Variants in DIS3L2 observed in about 807,000 individuals in gnomAD.
DIS3L2 encodes DIS3 like 3'-5' exoribonuclease 2, also known as DIS3-like exonuclease 2.
A neutral mutation model predicts 97.5 loss-of-function variants in DIS3L2; 34 were observed. That is an observed-to-expected ratio of 0.35 (90% CI 0.27 to 0.46). The LOEUF is 0.46. Among genes scored for constraint, DIS3L2 ranks in the 20% least tolerant of loss-of-function variants. The pLI, the probability that DIS3L2 is intolerant of heterozygous loss-of-function variation, is 1.00. For synonymous variants in DIS3L2, 435 were observed against 445.2 expected (o/e 0.98, Z 0.29); for missense variants, 1,038 against 1,146.0 (o/e 0.91, Z 1.36).
At position 232,015,599 on chromosome 2, in the gene DIS3L2, A is replaced by G. The variant is rs1694331896; in HGVS notation, c.138A>G (p.Lys46=). 1 of 1,614,130 alleles carries G rather than the reference A, an allele frequency of 6.2e-7. No homozygotes were observed. The highest frequency in any genetic ancestry group is 1.1e-5 in the South Asian group (1 of 91,082). The change falls in exon 3 of 21, where the codon AAA becomes AAG. Residue 46 remains lysine (K), a synonymous_variant. Transcript: ENST00000325385. ...KSKNRSTRGK[K]KSIFETYMSK... is the part of the protein sequence containing the mutation. ...AGAACAGGTCCACACGAGGGAAGAA[A>G]AAGAGCATATTTGAAACTTACATGT...
chr2:232,249,367 T>C lies in DIS3L2; in HGVS notation c.1425+21T>C, dbSNP rs1693358195. 3.7e-6 allele frequency: 6 copies of C among 1,609,656 alleles called. No homozygotes were observed. The Admixed American group carries it at 6.7e-5, about 18-fold the overall frequency. ...GCAAGGTAACAACTTACACGTTTTCTTTCTCCACTTACCTCTTTTCTGTTC... is the reference window on the plus strand; with the variant it reads ...GCAAGGTAACAACTTACACGTTTTCCTTCTCCACTTACCTCTTTTCTGTTC... On this transcript the variant is annotated intron_variant, in intron 12 of 20. Transcript: ENST00000325385.
chr2:232,096,528 A>G (rs946668908), intron 6 of DIS3L2, among the ~76,000 whole-genome samples: 4 of 151,478 alleles, frequency 2.6e-5, no homozygotes, highest in African/African-American at 9.7e-5. Context: ...GTCTTTCTCT[A>G]CCTCCTCTTT....
chr2:232,272,823 G>C (rs371077179), intron 13 of DIS3L2, among the ~76,000 whole-genome samples: 2 of 152,220 alleles, frequency 1.3e-5, no homozygotes, highest in East Asian at 3.8e-4. Context: ...TGCCCTTCCA[G>C]TGCAGGGTCT....
At chr2:232,069,804 T>C (rs1433196657) in intron 5 of DIS3L2, among the ~76,000 whole-genome samples, 1 of 152,176 alleles carries the variant, frequency 6.6e-6, no homozygotes, top group Non-Finnish European at 1.5e-5. Flanking sequence ...TGAGGAAGGC[T>C]GAGTTGAGAC....
At chr2:232,193,451 C>T (rs1691669091) in intron 9 of DIS3L2, among the ~76,000 whole-genome samples, 1 of 152,214 alleles carries the variant, frequency 6.6e-6, no homozygotes, top group South Asian at 2.1e-4. Context: ...AGGTATAGTG[C>T]TTAGCACAGG....
intron 14 of DIS3L2, among the ~76,000 whole-genome samples, chr2:232,318,128 A>ACAGAGGC (rs142504543): frequency 0.067 from 10,155 of 152,230 alleles, 1,116 homozygotes; most frequent in African/African-American, 0.23. Context: ...CCAGGCCTCC[A>ACAGAGGC]CAGAGGCCAG....
At chr2:232,115,807 A>G (rs748683388) in intron 6 of DIS3L2, among the ~76,000 whole-genome samples, 1 of 152,206 alleles carries the variant, frequency 6.6e-6, no homozygotes, top group Non-Finnish European at 1.5e-5. Context: ...ACTGTGAGTC[A>G]ATTAAACCTC....
At chr2:232,280,117 A>G (rs1183825252) in intron 13 of DIS3L2, among the ~76,000 whole-genome samples, 1 of 152,150 alleles carries the variant, frequency 6.6e-6, no homozygotes, top group Non-Finnish European at 1.5e-5. Flanking sequence ...TAATTTTAGG[A>G]TTTACATTTT....
chr2:232,054,094 C>A (rs1207494947), intron 5 of DIS3L2, among the ~76,000 whole-genome samples: 1 of 152,152 alleles, frequency 6.6e-6, no homozygotes, highest in African/African-American at 2.4e-5. Context: ...AAGAAAATTC[C>A]TGGGGTTTTT....
intron 5 of DIS3L2, among the ~76,000 whole-genome samples, chr2:232,055,664 TAACC>T (rs1202077088): frequency 6.6e-6 from 1 of 152,168 alleles, no homozygotes; most frequent in Non-Finnish European, 1.5e-5. Context: ...AGGACCAAAA[TAACC>T]AAGACAATTT....
chr2:232,069,997 A>C (rs565256834), intron 5 of DIS3L2, among the ~76,000 whole-genome samples: 1 of 152,254 alleles, frequency 6.6e-6, no homozygotes. Flanking sequence ...CAGTACTAAT[A>C]CATTGACTAT....
rs1372762248 is a variant in DIS3L2 at position 232,073,450 on chromosome 2, C to T, written c.367-14037C>T. Among the ~76,000 whole-genome samples the T allele has an allele frequency of 2.6e-5, 4 of 152,260 alleles. No individual in the cohort carries two copies. The South Asian group carries it at 6.2e-4, about 24-fold the overall frequency. The stretch of plus-strand genomic sequence containing the variant: ...ATATGTGAATCTTTTGGAAAAACTC[C>T]ATAATACCAAGTTGATAGCAACCCC... On this transcript the variant is annotated intron_variant, in intron 5 of 20. Transcript: ENST00000325385.
At chr2:232,108,463 C>T (rs939712373) in intron 6 of DIS3L2, among the ~76,000 whole-genome samples, 5 of 152,170 alleles carry the variant, frequency 3.3e-5, no homozygotes, top group African/African-American at 7.2e-5. Flanking sequence ...TGAAAACCCT[C>T]GTAAGACAAG....
intron 6 of DIS3L2, among the ~76,000 whole-genome samples, chr2:232,112,362 C>T (rs2106333425): frequency 6.6e-6 from 1 of 152,286 alleles, no homozygotes; most frequent in African/African-American, 2.4e-5. Context: ...TGGGTTTATA[C>T]ACACACCAGG....
chr2:232,139,609 C>T (rs1034265844), intron 8 of DIS3L2, among the ~76,000 whole-genome samples: 1 of 152,102 alleles, frequency 6.6e-6, no homozygotes, highest in Non-Finnish European at 1.5e-5. Flanking sequence ...TGAGTTCTAC[C>T]TACAGTACAA....
intron 1 of DIS3L2, among the ~76,000 whole-genome samples, chr2:231,982,821 A>G (rs1559513491): frequency 6.6e-6 from 1 of 152,004 alleles, no homozygotes; most frequent in Non-Finnish European, 1.5e-5. Flanking sequence ...CTGGGATTAC[A>G]GGTGCCCGCC....
intron 11 of DIS3L2, among the ~76,000 whole-genome samples, chr2:232,245,592 C>T (rs1391787796): frequency 2.0e-5 from 3 of 152,180 alleles, no homozygotes; most frequent in Non-Finnish European, 4.4e-5. Flanking sequence ...ATGAGAATTT[C>T]GTCTGAATTC....
chr2:232,307,824 AAAAAAT>A (rs1695026682), intron 14 of DIS3L2: 1 of 152,278 alleles, frequency 6.6e-6, no homozygotes. Context: ...TGTACAGAAT[AAAAAAT>A]AAAAACAAAC....
rs1694621937 is a variant in DIS3L2, at chr2:232,292,164, C to G, written c.1660-7876C>G. 6.6e-6 allele frequency among the ~76,000 whole-genome samples: 1 copy of G among 152,186 alleles called. No homozygotes were observed. Among genetic ancestry groups the G allele is most frequent in the South Asian group, 2.1e-4 (1 of 4,824 alleles). On this transcript the variant is annotated intron_variant, in intron 13 of 20. Coordinates refer to ENST00000325385, the MANE Select transcript of DIS3L2 (RefSeq NM_152383.5). The surrounding 1 kb of genome is among the most constrained non-coding windows in gnomAD (Gnocchi z 4.4). ...TTATGAATGTAGCCTGGCCCACTGT[C>G]TTCACCAGGCTGGGATCCAAAATAA... is the stretch of plus-strand genomic sequence containing the variant.
Sources: gnomAD v4.1 joint callset for allele counts (sites outside exome capture counted in the v4.1 genomes callset) on GRCh38, gnomAD v4.1.1 for gene constraint, Gnocchi (gnomAD v3.1) non-coding constraint, MANE v1.5 for transcripts, NCBI Gene and HGNC (gene_info 2026-07-23, HGNC 2026-07-21) for gene names.